ALK: variants seen among roughly 807,000 people sequenced by gnomAD.
The protein encoded by ALK is ALK receptor tyrosine kinase, also known as ALK tyrosine kinase receptor.
In ALK, 74 loss-of-function variants were observed where a neutral mutation model predicts 163.1. The observed-to-expected ratio is 0.45, with a 90% confidence interval of 0.38 to 0.55. The LOEUF (loss-of-function observed/expected upper bound fraction) is 0.55, where lower values mean the gene tolerates loss of function less well. ALK is among the 20% of genes least tolerant of loss of function. ALK has a pLI of 0.00. For missense variants in ALK, 2,063 were observed against 2,105.3 expected (o/e 0.98, Z 0.39); for synonymous variants, 960 against 843.2 (o/e 1.14, Z -2.40).
rs185159365 is a variant in ALK at position 29,899,419 on chromosome 2, C to T, written c.667+20574G>A. The stretch of plus-strand genomic sequence containing the variant: ...CCATCACCCTGGGGGCGGCTACTCA[C>T]CCTGAGGAAGGCAGAGTAGAAAGAC... On this transcript the variant is annotated intron_variant, in intron 1 of 28. Coordinates refer to ENST00000389048, the MANE Select transcript of ALK (RefSeq NM_004304.5). Among the ~76,000 whole-genome samples the T allele has an allele frequency of 3.6e-3, 541 of 152,272 alleles. 4 individuals are homozygous for T. The highest frequency in any genetic ancestry group is 7.0e-3 in the African/African-American group (292 of 41,556).
intron 1 of ALK, among the ~76,000 whole-genome samples, chr2:29,914,017 A>G (rs1310727907): frequency 1.3e-5 from 2 of 152,162 alleles, no homozygotes; most frequent in African/African-American, 2.4e-5. Context: ...TAACATCTCT[A>G]TCTTGTTCTT....
At chr2:29,732,886 T>A (rs1305546587) in intron 1 of ALK, among the ~76,000 whole-genome samples, 1 of 122,580 alleles carries the variant, frequency 8.2e-6, no homozygotes, top group Non-Finnish European at 1.8e-5. Context: ...GTTTTTAAGC[T>A]ACCTAGTCTA....
chr2:29,526,464 G>A (rs564758608), intron 4 of ALK, among the ~76,000 whole-genome samples: 1 of 152,300 alleles, frequency 6.6e-6, no homozygotes, highest in South Asian at 2.1e-4. Context: ...TACCTTTAGA[G>A]CCTTTGAATG....
chr2:29,865,599 C>T (rs148490620), intron 1 of ALK, among the ~76,000 whole-genome samples: 2 of 152,312 alleles, frequency 1.3e-5, no homozygotes, highest in East Asian at 1.9e-4. Context: ...GGGTGAAGAA[C>T]TATTGGTCCA....
At chr2:29,368,580 G>A (rs771196730) in intron 5 of ALK, among the ~76,000 whole-genome samples, 7 of 152,216 alleles carry the variant, frequency 4.6e-5, no homozygotes, top group Non-Finnish European at 8.8e-5. Context: ...GAAATGGACA[G>A]ACCAGTTTAT....
chr2:29,382,998 T>C (rs908260275), intron 5 of ALK, among the ~76,000 whole-genome samples: 1 of 152,140 alleles, frequency 6.6e-6, no homozygotes, highest in African/African-American at 2.4e-5. Flanking sequence ...AGGCACAAAG[T>C]TCAAATCCAG....
chr2:29,839,260 G>C (rs1215626099), intron 1 of ALK, among the ~76,000 whole-genome samples: 1 of 152,104 alleles, frequency 6.6e-6, no homozygotes, highest in Non-Finnish European at 1.5e-5. Context: ...TTTCTTGCGT[G>C]TTCTAATCTC....
At chr2:29,537,235 A>G (rs1427358052) in intron 3 of ALK, among the ~76,000 whole-genome samples, 1 of 152,362 alleles carries the variant, frequency 6.6e-6, no homozygotes, top group East Asian at 1.9e-4. Flanking sequence ...AGGGCATTTC[A>G]AAACTATTTG....
rs1008322655 is a variant in ALK at position 29,318,663 on chromosome 2, T to C, written c.1547-259A>G. ...CTCACTGCAAGCTCCGCCTCCCGGG[T>C]TCATGCCATTCTCCTGCCTCAGCCT... On this transcript the variant is annotated intron_variant, in intron 7 of 28. Transcript: ENST00000389048. Among the ~76,000 whole-genome samples, 3 of 150,694 alleles carry C rather than the reference T, an allele frequency of 2.0e-5. No individual in the cohort carries two copies. The East Asian group carries it at 5.9e-4, about 29-fold the overall frequency.
At chr2:29,500,573 C>G (rs1314991098) in intron 4 of ALK, among the ~76,000 whole-genome samples, 1 of 151,218 alleles carries the variant, frequency 6.6e-6, no homozygotes, top group Non-Finnish European at 1.5e-5. Context: ...CTTTTTTTTT[C>G]TGGAACCATC....
intron 1 of ALK, among the ~76,000 whole-genome samples, chr2:29,763,745 T>C (rs1680780425): frequency 6.6e-6 from 1 of 152,150 alleles, no homozygotes; most frequent in Admixed American, 6.5e-5. Context: ...TTATGATTTG[T>C]CTGAGGCCCC....
chr2:29,681,174 G>T (rs946053545), intron 3 of ALK: 3 of 152,338 alleles, frequency 2.0e-5, no homozygotes, highest in Admixed American at 2.0e-4. Context: ...GTAGTCCCCT[G>T]CTCCTGTGAG....
intron 3 of ALK, among the ~76,000 whole-genome samples, chr2:29,585,396 G>A (rs1028514076): frequency 8.6e-5 from 13 of 152,006 alleles, no homozygotes; most frequent in Admixed American, 4.6e-4. Context: ...GCACAATTTC[G>A]GCTCACCACA....
chr2:29,745,682 C>G (rs949963441), intron 1 of ALK, among the ~76,000 whole-genome samples: 17 of 152,338 alleles, frequency 1.1e-4, no homozygotes, highest in African/African-American at 4.1e-4. Flanking sequence ...CAAAGTAGGT[C>G]CCCGCTTAGC....
intron 4 of ALK, among the ~76,000 whole-genome samples, chr2:29,470,943 G>C (rs75746206): frequency 0.26 from 39,586 of 152,048 alleles, 6,026 homozygotes; most frequent in Non-Finnish European, 0.35. Context: ...GTGGCTAGTG[G>C]AGTTTAAGTA....
intron 5 of ALK, among the ~76,000 whole-genome samples, chr2:29,363,682 A>G (rs563500279): frequency 1.3e-4 from 20 of 152,332 alleles, no homozygotes; most frequent in Admixed American, 3.3e-4. Flanking sequence ...GGCCTCAGTG[A>G]TGGACACATT....
chr2:29,227,688 G>C lies in ALK; in HGVS notation c.2816-16C>G, dbSNP rs1381541971. ...GCATTGCCGCCTGAGTAGCAAACCA[G>C]AGCAGAGTTTAACATGGGGGGTGGG... On this transcript the variant is annotated splice_polypyrimidine_tract_variant and intron_variant, in intron 16 of 28. Transcript: ENST00000389048. The surrounding 1 kb of genome is among the most constrained non-coding windows in gnomAD (Gnocchi z 4.4). 6.2e-7 allele frequency: 1 copy of C among 1,610,098 alleles called. No individual in the cohort carries two copies. Among genetic ancestry groups the C allele is most frequent in the South Asian group, 1.1e-5 (1 of 90,986 alleles).
chr2:29,694,345 A>G (rs910640287), intron 3 of ALK, among the ~76,000 whole-genome samples: 21 of 152,226 alleles, frequency 1.4e-4, no homozygotes, highest in Non-Finnish European at 2.9e-5. Flanking sequence ...CCAGTTCTAC[A>G]ATACCTTCCA....
intron 4 of ALK, among the ~76,000 whole-genome samples, chr2:29,434,648 A>G (rs1670355824): frequency 1.3e-5 from 2 of 152,252 alleles, no homozygotes; most frequent in Admixed American, 1.3e-4. Flanking sequence ...TTTGAGGAGT[A>G]CTGACAATCT....
Sources: gnomAD v4.1 joint callset for allele counts (sites outside exome capture counted in the v4.1 genomes callset) on GRCh38, gnomAD v4.1.1 for gene constraint, Gnocchi (gnomAD v3.1) non-coding constraint, MANE v1.5 for transcripts, NCBI Gene and HGNC (gene_info 2026-07-23, HGNC 2026-07-21) for gene names.